Variants in MYBPHL observed in about 807,000 individuals in gnomAD.
MYBPHL encodes the protein myosin binding protein H like.
MYBPHL carries 32 observed loss-of-function variants against 39.5 expected under a neutral mutation model. The ratio of observed to expected loss-of-function variants is 0.81; its 90% CI spans 0.61 to 1.09. The LOEUF is 1.09. MYBPHL is among the 50% of genes least tolerant of loss of function. MYBPHL has a pLI of 0.00. For missense variants in MYBPHL, 456 were observed against 460.2 expected (o/e 0.99, Z 0.08); for synonymous variants, 196 against 183.7 (o/e 1.07, Z -0.54).
Position 109,297,397 on chromosome 1 carries a change from C to T in MYBPHL, c.430+25G>A, listed in dbSNP as rs370066735. 128 of 1,600,270 alleles carry T rather than the reference C, an allele frequency of 8.0e-5. 1 individual carries two copies. The African/African-American group carries it at 8.8e-4, about 11-fold the overall frequency. ...GGAGAGGGAGTTCCTGAGGACCCCC[C>T]CATCTCCCACTTCCCCCACCGTACC... On this transcript the variant is annotated intron_variant, in intron 3 of 8. Transcript: ENST00000357155.
chr1:109,295,127 A>G lies in MYBPHL; in HGVS notation c.1038T>C (p.Cys346=), dbSNP rs1658011113. ...VNPLGEASVD[C]RVDVKVPN ...TGCCCTTACCTTTCACATCCACCCGACAGTCCACAGATGCCTCCCCTAGGG... is the reference window on the plus strand; with the variant it reads ...TGCCCTTACCTTTCACATCCACCCGGCAGTCCACAGATGCCTCCCCTAGGG... The change falls in exon 7 of 9, where the codon TGT becomes TGC. Residue 346 remains cysteine, a synonymous_variant. Coordinates refer to ENST00000357155, the MANE Select transcript of MYBPHL (RefSeq NM_001010985.3). The G allele has an allele frequency of 1.2e-6, 2 of 1,613,254 alleles. No individual in the cohort carries two copies. Among genetic ancestry groups the G allele is most frequent in the Non-Finnish European group, 1.7e-6 (2 of 1,179,922 alleles).
At chr1:109,301,480 C>T (rs922346530) in intron 1 of MYBPHL, among the ~76,000 whole-genome samples, 4 of 152,162 alleles carry the variant, frequency 2.6e-5, no homozygotes, top group Non-Finnish European at 5.9e-5. Context: ...GTGGCTCATG[C>T]CTGTAATCCC....
chr1:109,304,896 T>C (rs952700525), intron 1 of MYBPHL, among the ~76,000 whole-genome samples: 1 of 152,254 alleles, frequency 6.6e-6, no homozygotes, highest in African/African-American at 2.4e-5. Flanking sequence ...TTAATTTCTA[T>C]TTCTGATGCC....
Position 109,295,208 on chromosome 1 carries a change from C to T in MYBPHL, c.957G>A (p.Glu319=). 1 of 1,614,174 alleles carries T rather than the reference C, an allele frequency of 6.2e-7. No individual in the cohort carries two copies. The highest frequency in any genetic ancestry group is 8.5e-7 in the Non-Finnish European group (1 of 1,180,022). ...ALTHLGICSL[E]IRKPGPFDGG... is the part of the protein sequence containing the mutation. ...CATCAAAGGGACCCGGCTTGCGGATCTCTAGGGAGCAGATTCCCAGGTGAG... is the reference window on the plus strand; with the variant it reads ...CATCAAAGGGACCCGGCTTGCGGATTTCTAGGGAGCAGATTCCCAGGTGAG... Residue 319 remains glutamate, a synonymous_variant, in exon 7 of 9, where the codon GAG becomes GAA. Coordinates refer to ENST00000357155, the MANE Select transcript of MYBPHL (RefSeq NM_001010985.3).
At chr1:109,293,307 C>T (rs779278557) in intron 8 of MYBPHL, among the ~76,000 whole-genome samples, 9 of 152,198 alleles carry the variant, frequency 5.9e-5, no homozygotes, top group Non-Finnish European at 1.2e-4. Flanking sequence ...TAGGTGGATG[C>T]TGTCACTCTT....
rs370029496 is a variant in MYBPHL at position 109,294,212 on chromosome 1, C to T, written c.*27G>A. On this transcript the variant is annotated 3_prime_UTR_variant, in exon 8 of 9. Coordinates refer to ENST00000357155, the MANE Select transcript of MYBPHL (RefSeq NM_001010985.3). ...CTTGCCTCTCTTTACTTACCTTTGT[C>T]AGAGTACCATGCCTTCTTAGGTGTC... The T allele has an allele frequency of 5.7e-5, 90 of 1,592,342 alleles. No individual in the cohort carries two copies. The South Asian group carries it at 8.7e-4, about 15-fold the overall frequency.
chr1:109,296,125 C>T (rs375157659), intron 6 of MYBPHL, 109 bp downstream of exon 6: 89 of 1,377,346 alleles, frequency 6.5e-5, no homozygotes, highest in African/African-American at 5.2e-4. Context: ...AGGCAGATGG[C>T]GGTGATGGTA....
chr1:109,300,504 A>G (rs2101482178), intron 1 of MYBPHL, among the ~76,000 whole-genome samples: 1 of 152,308 alleles, frequency 6.6e-6, no homozygotes, highest in South Asian at 2.1e-4. Context: ...CCCTGCTGAG[A>G]CCTCAGGTAG....
At position 109,297,132 on chromosome 1, in the gene MYBPHL, G is replaced by A; in HGVS notation, c.488C>T (p.Thr163Ile). 7 of 1,614,202 alleles carry A rather than the reference G, an allele frequency of 4.3e-6. No individual in the cohort carries two copies. The highest frequency in any genetic ancestry group is 5.1e-6 in the Non-Finnish European group (6 of 1,180,036). Reference sequence around the variant, plus strand: ...ATCTTGGGGCGGTGTCCATTCCAGTGTAGCGCTGAAGCCCCAAACGTCCAC... The same window carrying A: ...ATCTTGGGGCGGTGTCCATTCCAGTATAGCGCTGAAGCCCCAAACGTCCAC... ...KLVDVWGFSA[T>I]LEWTPPQDTG... Residue 163 changes from threonine to isoleucine, a missense_variant, in exon 4 of 9, where the codon ACA becomes ATA. By Grantham distance (89) the Thr-to-Ile change is moderately conservative. Coordinates refer to ENST00000357155, the MANE Select transcript of MYBPHL (RefSeq NM_001010985.3).
chr1:109,296,278 C>T lies in MYBPHL; in HGVS notation c.823G>A (p.Gly275Ser), dbSNP rs142341673. Residue 275 changes from glycine (G) to serine (S), a missense_variant, in exon 6 of 9, where the codon GGC (glycine) becomes AGC (serine). Physicochemically the swap from Gly to Ser is moderately conservative, Grantham distance 56. Transcript: ENST00000357155. ...CAGCAGAAGAGCTGGGTATTATAGC[C>T]GGTGACTGTAGTGCAGTCGGCCAGA... ...QPLADCTTVT[G>S]YNTQLFCCVR... 251 of 1,614,036 alleles carry T rather than the reference C, an allele frequency of 1.6e-4. No homozygotes were observed. Among genetic ancestry groups the T allele is most frequent in the Non-Finnish European group, 2.0e-4 (239 of 1,179,994 alleles).
In MYBPHL at chr1:109,296,769, C is replaced by T. The variant is rs557833601; in HGVS notation, c.730+14G>A. On this transcript the variant is annotated intron_variant, in intron 5 of 8. Transcript: ENST00000357155. ...TTAAGTCTTCCCAGCTCATGATCCC[C>T]ATGCCTCCCTTACCTGCTTTCTGGA... The T allele has an allele frequency of 4.6e-5, 74 of 1,613,986 alleles. No homozygotes were observed. Among genetic ancestry groups the T allele is most frequent in the Middle Eastern group, 3.3e-4 (2 of 6,062 alleles).
intron 8 of MYBPHL, 56 bp downstream of exon 8, chr1:109,294,150 A>G (rs1383451376): frequency 1.7e-6 from 2 of 1,193,242 alleles, no homozygotes; most frequent in Non-Finnish European, 2.5e-6. Flanking sequence ...TGACTCAACA[A>G]CACTAGCCAT....
chr1:109,306,746 T>C (rs1286303751), intron 1 of MYBPHL, 101 bp downstream of exon 1: 1 of 1,029,692 alleles, frequency 9.7e-7, no homozygotes. Context: ...ATAGAGTCTT[T>C]AGCTCTGCAG....
chr1:109,304,682 C>T (rs1658406203), intron 1 of MYBPHL, among the ~76,000 whole-genome samples: 1 of 152,178 alleles, frequency 6.6e-6, no homozygotes, highest in South Asian at 2.1e-4. Flanking sequence ...CAGCTTGTTC[C>T]CCAGCCTCTC....
intron 1 of MYBPHL, 112 bp from the exon 2 acceptor site, chr1:109,298,369 CT>C: frequency 2.2e-6 from 2 of 900,718 alleles, no homozygotes; most frequent in Non-Finnish European, 3.5e-6. Flanking sequence ...AAATTAAGCC[CT>C]TCTTAGAGGG....
intron 7 of MYBPHL, 94 bp from the exon 8 acceptor site, chr1:109,294,343 T>C: frequency 7.9e-7 from 1 of 1,266,732 alleles, no homozygotes; most frequent in Non-Finnish European, 1.2e-6. Context: ...CTATTTCAGG[T>C]TCTTGGGGAG....
At chr1:109,296,979 C>T in intron 4 of MYBPHL, 37 bp from the exon 5 acceptor site, 1 of 1,613,896 alleles carries the variant, frequency 6.2e-7, no homozygotes, top group Non-Finnish European at 8.5e-7. Context: ...ATCAGCCACC[C>T]CATGTGGAGC....
intron 1 of MYBPHL, among the ~76,000 whole-genome samples, chr1:109,300,059 A>G (rs1384078534): frequency 1.3e-5 from 2 of 152,180 alleles, no homozygotes; most frequent in Admixed American, 1.3e-4. Context: ...AACCCTTTCT[A>G]CATTTGCTGG....
chr1:109,293,907 T>C (rs112431880), intron 8 of MYBPHL, among the ~76,000 whole-genome samples: 6,364 of 146,078 alleles, frequency 0.044, 434 homozygotes, highest in African/African-American at 0.15. Context: ...CTACTAAAAG[T>C]AGAAAAATTA....
Sources: allele counts gnomAD v4.1 joint callset (sites outside exome capture counted in the v4.1 genomes callset), GRCh38; gene constraint gnomAD v4.1.1; transcripts MANE v1.5; gene names NCBI Gene and HGNC (gene_info 2026-07-23, HGNC 2026-07-21).